Variants in HHIPL1 observed in about 807,000 individuals in gnomAD.
HHIPL1 encodes HHIP like 1, also known as HHIP-like protein 1.
Under a neutral mutation model 61.8 loss-of-function variants are expected in HHIPL1, and 43 were observed. That is an observed-to-expected ratio of 0.70 (90% confidence interval 0.55 to 0.90). The LOEUF is 0.90. Ranked by LOEUF, HHIPL1 falls within the 40% of genes least tolerant of loss-of-function variation. The pLI, the probability that HHIPL1 is intolerant of heterozygous loss-of-function variation, is 0.00. For synonymous variants in HHIPL1, 482 were observed against 515.8 expected (o/e 0.93, Z 0.89); for missense variants, 1,056 against 1,157.7 (o/e 0.91, Z 1.28).
chr14:99,675,870 T>G lies in HHIPL1; in HGVS notation c.*244T>G. The G allele has an allele frequency of 2.4e-6, 1 of 416,102 alleles. No individual in the cohort carries two copies. The allele number at this position is 416,102 out of a possible 1,614,324, so 25.8% of individuals were successfully genotyped here. ...ATGGTCCATCATGGGCGGGAGGAGT[T>G]CCTTTCTTACCTCCAAGCGTTTCAG... On this transcript the variant is annotated 3_prime_UTR_variant, in exon 9 of 9. Coordinates refer to ENST00000330710, the MANE Select transcript of HHIPL1 (RefSeq NM_001127258.3). This position sits in a 1 kb window ranked among gnomAD's most constrained non-coding sequence, Gnocchi z 5.4.
At chr14:99,607,098 A>G in the HHIPL1 span, among the ~76,000 whole-genome samples, 4 of 122,092 alleles carry the variant, frequency 3.3e-5, no homozygotes, top group African/African-American at 1.3e-4. Context: ...CAGTGGCATG[A>G]TCTTGGCTCA....
rs1295317562 is a variant in HHIPL1 at position 99,663,039 on chromosome 14, C to T, written c.1648+18C>T. 2 of 1,575,886 alleles carry T rather than the reference C, an allele frequency of 1.3e-6. No individual in the cohort carries two copies. The highest frequency in any genetic ancestry group is 1.7e-6 in the Non-Finnish European group (2 of 1,161,586). ...CGAGGCCGGTGAGCACTCCTGAGAC[C>T]TCTCCTTGCTGGTTGCTCGTGCCTG... On this transcript the variant is annotated intron_variant, in intron 6 of 8. Coordinates refer to ENST00000330710, the MANE Select transcript of HHIPL1 (RefSeq NM_001127258.3).
In HHIPL1 at chr14:99,671,200, G is replaced by A. The variant is rs142038719; in HGVS notation, c.1731-1117G>A. On this transcript the variant is annotated intron_variant, in intron 7 of 8. Coordinates refer to ENST00000330710, the MANE Select transcript of HHIPL1 (RefSeq NM_001127258.3). ...ATTTGGAAAATGAAATAAATGGGGAGTGGAGGAGGTAGGGTCAGGTCATCT... is the reference window on the plus strand; with the variant it reads ...ATTTGGAAAATGAAATAAATGGGGAATGGAGGAGGTAGGGTCAGGTCATCT... Among the ~76,000 whole-genome samples, 466 of 152,340 alleles carry A rather than the reference G, an allele frequency of 3.1e-3. 2 individuals are homozygous for A. Among genetic ancestry groups the A allele is most frequent in the Middle Eastern group, 0.02 (6 of 294 alleles).
chr14:99,614,258 C>T, the HHIPL1 span, among the ~76,000 whole-genome samples: 103 of 152,260 alleles, frequency 6.8e-4, 1 homozygote, highest in African/African-American at 1.8e-3. Context: ...GTGGGTGCCC[C>T]GGAGCCCAGA....
chr14:99,670,114 C>CTTT (rs766131828), intron 7 of HHIPL1, among the ~76,000 whole-genome samples: 11 of 144,370 alleles, frequency 7.6e-5, no homozygotes, highest in Admixed American at 2.1e-4. Context: ...CAGTCTTTTA[C>CTTT]TTTTTTTTTT....
At chr14:99,646,634 C>G (rs2055837879) in intron 1 of HHIPL1, among the ~76,000 whole-genome samples, 2 of 151,960 alleles carry the variant, frequency 1.3e-5, no homozygotes, top group South Asian at 4.1e-4. Context: ...ATTAACTGGG[C>G]ATGTTGGGGA....
At position 99,660,507 on chromosome 14, in the gene HHIPL1, A is replaced by C. The variant is rs985571064; in HGVS notation, c.1502+101A>C. ...TGTATGTGTGCGCCCGTTCCTGCAC[A>C]TGTGCCTCGCTGCTCTGACAGGGGC... On this transcript the variant is annotated intron_variant, in intron 5 of 8. Transcript: ENST00000330710. This position sits in a 1 kb window ranked among gnomAD's most constrained non-coding sequence, Gnocchi z 4.9. 4.3e-6 allele frequency: 6 copies of C among 1,406,496 alleles called. No individual in the cohort carries two copies. The African/African-American group carries it at 7.2e-5, about 17-fold the overall frequency. 87.1% of individuals were successfully genotyped at this position (1,406,496 alleles called of 1,614,324 possible).
At chr14:99,625,348 G>A in the HHIPL1 span, 1 of 152,314 alleles carries the variant, frequency 6.6e-6, no homozygotes, top group African/African-American at 2.4e-5. Context: ...GTGCAATCAG[G>A]TCTGCCTGGC....
At chr14:99,672,437 G>C (rs1414339050) in intron 8 of HHIPL1, 38 bp downstream of exon 8, 3 of 1,504,012 alleles carry the variant, frequency 2.0e-6, no homozygotes, top group Non-Finnish European at 2.7e-6. Context: ...GGTTGGGGGA[G>C]AGATCCCGCA....
chr14:99,672,223 C>T (rs535380800), intron 7 of HHIPL1, 94 bp from the exon 8 acceptor site: 20 of 902,728 alleles, frequency 2.2e-5, no homozygotes, highest in South Asian at 7.2e-5. Flanking sequence ...CTGTTACTAT[C>T]GTTGCTGTTC....
chr14:99,646,797 G>A (rs372871063), intron 1 of HHIPL1, among the ~76,000 whole-genome samples: 24 of 106,530 alleles, frequency 2.3e-4, no homozygotes, highest in Admixed American at 4.3e-4. Flanking sequence ...AATATAATAT[G>A]ATATGATATG....
intron 6 of HHIPL1, among the ~76,000 whole-genome samples, chr14:99,664,653 C>T (rs1309083075): frequency 6.6e-6 from 1 of 152,212 alleles, no homozygotes; most frequent in Non-Finnish European, 1.5e-5. Flanking sequence ...ATTGTTCCAA[C>T]ACTTGCAAAT....
the HHIPL1 span, among the ~76,000 whole-genome samples, chr14:99,622,512 T>C: frequency 5.9e-5 from 9 of 152,232 alleles, no homozygotes; most frequent in Non-Finnish European, 8.8e-5. Context: ...CGACGCCCTG[T>C]CCTTCTTCCT....
chr14:99,663,079 C>G (rs1192893307), intron 6 of HHIPL1, 58 bp downstream of exon 6: 1 of 1,487,102 alleles, frequency 6.7e-7, no homozygotes, highest in African/African-American at 1.4e-5. Flanking sequence ...TGGTCCTCCA[C>G]CCTGTGGTCC....
chr14:99,656,810 AG>A lies in HHIPL1; in HGVS notation c.903-189del, dbSNP rs1213842725. 0.039 allele frequency among the ~76,000 whole-genome samples: 109 copies of A among 2,802 alleles called. 24 individuals are homozygous for A. The Middle Eastern group carries it at 0.5, about 13-fold the overall frequency. The allele number at this position is 2,802 out of a possible 152,430, so 1.8% of individuals were successfully genotyped here. ...AGAAAAGAAAGAAAGAAAGAAAGAA[AG>A]AAAGAAAGAAAGAAAGAAAGAAAGA... On this transcript the variant is annotated intron_variant, in intron 2 of 8. Transcript: ENST00000330710.
chr14:99,672,464 T>C, intron 8 of HHIPL1, 65 bp downstream of exon 8: 1 of 1,371,824 alleles, frequency 7.3e-7, no homozygotes, highest in Non-Finnish European at 1.0e-6. Flanking sequence ...AACGGCTGCC[T>C]TTCCAGCCAG....
the HHIPL1 span, among the ~76,000 whole-genome samples, chr14:99,617,351 G>A: frequency 1.2e-3 from 181 of 152,222 alleles, no homozygotes; most frequent in Middle Eastern, 0.014. Flanking sequence ...GAGGGGAGGC[G>A]GGAGTGGGAG....
At chr14:99,620,448 C>G in the HHIPL1 span, among the ~76,000 whole-genome samples, 1 of 152,222 alleles carries the variant, frequency 6.6e-6, no homozygotes, top group East Asian at 1.9e-4. Flanking sequence ...GCTCCCCATC[C>G]CAGCATCCCT....
chr14:99,618,887 C>G, the HHIPL1 span, among the ~76,000 whole-genome samples: 1 of 152,232 alleles, frequency 6.6e-6, no homozygotes, highest in African/African-American at 2.4e-5. Context: ...CTCCTCTCTA[C>G]AGAGCCCAGA....
Sources: allele counts gnomAD v4.1 joint callset (sites outside exome capture counted in the v4.1 genomes callset), GRCh38; gene constraint gnomAD v4.1.1; non-coding constraint Gnocchi (gnomAD v3.1); transcripts MANE v1.5; gene names NCBI Gene and HGNC (gene_info 2026-07-23, HGNC 2026-07-21).